The following A2M variants were observed in gnomAD, a reference collection of about 807,000 sequenced individuals.
A2M encodes the protein alpha-2-macroglobulin.
A neutral mutation model predicts 183.9 loss-of-function variants in A2M; 128 were observed. The observed-to-expected ratio is 0.70, with a 90% confidence interval of 0.60 to 0.81. The LOEUF is 0.81. A2M is among the 30% of genes least tolerant of loss of function. The pLI is 0.00. For missense variants in A2M, 1,495 were observed against 1,787.6 expected, an observed-to-expected ratio of 0.84 and a Z score of 2.95; for synonymous variants, 592 against 670.8, an observed-to-expected ratio of 0.88 and a Z score of 1.81.
At chr12:9,098,005 T>C (rs4882978) in intron 15 of A2M, among the ~76,000 whole-genome samples, 24,632 of 152,220 alleles carry the variant, frequency 0.16, 2,142 homozygotes, top group Middle Eastern at 0.21. Context: ...TGTATCACTT[T>C]TGTTAGGCTT....
intron 15 of A2M, 87 bp downstream of exon 15, chr12:9,098,520 G>C: frequency 7.1e-7 from 1 of 1,401,368 alleles, no homozygotes; most frequent in Non-Finnish European, 9.5e-7. Flanking sequence ...AATTTTAATT[G>C]ATCTTATCCT....
rs141028314 is a variant in A2M at position 9,110,203 on chromosome 12, G to T, written c.504+111C>A. On this transcript the variant is annotated intron_variant, in intron 5 of 35. Coordinates refer to ENST00000318602, the MANE Select transcript of A2M (RefSeq NM_000014.6). ...CATCTAGCTCTATGGGAGTTTGAAG[G>T]CTTCTCCTTTAATGACAAGTTTCTG... 1.8e-5 allele frequency: 21 copies of T among 1,137,614 alleles called. No individual in the cohort carries two copies. The South Asian group carries it at 2.6e-4, about 14-fold the overall frequency. The allele number at this position is 1,137,614 out of a possible 1,614,324, so 70.5% of individuals were successfully genotyped here.
chr12:9,100,155 C>T (rs1937714039), intron 13 of A2M, among the ~76,000 whole-genome samples: 1 of 152,152 alleles, frequency 6.6e-6, no homozygotes. Context: ...GAGTCCGCTT[C>T]AGTCGGTAGA....
rs144864060 is a variant in A2M at position 9,114,083 on chromosome 12, C to T, written c.87-540G>A. ...AGAAAGTGAGCCATTACTTCACAGT[C>T]TCAGTTGTGGTAAGCAGCTAATAAG... On this transcript the variant is annotated intron_variant, in intron 1 of 35. Coordinates refer to ENST00000318602, the MANE Select transcript of A2M (RefSeq NM_000014.6). Among the ~76,000 whole-genome samples, 152 of 152,320 alleles carry T rather than the reference C, an allele frequency of 1.0e-3. 1 individual carries two copies. The highest frequency in any genetic ancestry group is 6.8e-3 in the Middle Eastern group (2 of 294).
intron 18 of A2M, 82 bp downstream of exon 18, chr12:9,093,383 T>C: frequency 1.1e-6 from 1 of 917,528 alleles, no homozygotes; most frequent in South Asian, 1.4e-5. Flanking sequence ...TATAAAACAA[T>C]AAAAACAGAA....
chr12:9,108,685 T>G (rs1938493495), intron 7 of A2M, among the ~76,000 whole-genome samples: 1 of 152,188 alleles, frequency 6.6e-6, no homozygotes, highest in Non-Finnish European at 1.5e-5. Context: ...ACTGCTACTG[T>G]GTGCCACCAT....
Position 9,106,272 on chromosome 12 carries a change from G to A in A2M, c.1068C>T (p.Asp356=). Residue 356 remains aspartate, a synonymous_variant, in exon 10 of 36, where the codon GAC becomes GAT. Transcript: ENST00000318602. ...AGGGAATTCCCTGTCGAAAGTGTGA[G>A]TCCACTTTCACAAATGAGAGTTTGG... ...TITKLSFVKV[D]SHFRQGIPFF... The A allele has an allele frequency of 6.2e-7, 1 of 1,612,458 alleles. No homozygotes were observed.
At chr12:9,099,343 T>C (rs1949480459) in intron 14 of A2M, 38 bp downstream of exon 14, 1 of 1,535,250 alleles carries the variant, frequency 6.5e-7, no homozygotes. Flanking sequence ...TAACTTCTAG[T>C]TTTACATGTT....
chr12:9,086,655 G>T (rs1233637809), intron 22 of A2M, among the ~76,000 whole-genome samples: 1 of 152,138 alleles, frequency 6.6e-6, no homozygotes, highest in Non-Finnish European at 1.5e-5. Context: ...ACAATAAAGG[G>T]CATGTATGAT....
intron 27 of A2M, 65 bp downstream of exon 27, chr12:9,077,281 C>T: frequency 7.1e-7 from 1 of 1,407,140 alleles, no homozygotes; most frequent in South Asian, 1.2e-5. Context: ...GTATTTCAGA[C>T]AGCAGGTCAG....
intron 1 of A2M, 148 bp from the exon 2 acceptor site, chr12:9,113,691 C>T: frequency 1.4e-6 from 1 of 733,168 alleles, no homozygotes; most frequent in Non-Finnish European, 2.2e-6. Flanking sequence ...CGTTGAAGGC[C>T]ATGCATAAGA....
chr12:9,082,858 T>C (rs888150533), intron 22 of A2M, among the ~76,000 whole-genome samples: 1 of 152,210 alleles, frequency 6.6e-6, no homozygotes, highest in Non-Finnish European at 1.5e-5. Flanking sequence ...GAAACGATTG[T>C]GAATAGTGCC....
At position 9,089,228 on chromosome 12, in the gene A2M, T is replaced by C. The variant is rs1949134618; in HGVS notation, c.2742A>G (p.Thr914=). ...LVEPEGLEKE[T]TFNSLLCPSG... is the part of the protein sequence containing the mutation. ...ATGGACAAAGTAGGGAGTTGAATGT[T>C]GTTTCCTTCTCTAGTCCTTCAGGCT... The change falls in exon 22 of 36, where the codon ACA becomes ACG. Residue 914 remains threonine (T), a synonymous_variant. Coordinates refer to ENST00000318602, the MANE Select transcript of A2M (RefSeq NM_000014.6). 1.3e-6 allele frequency: 2 copies of C among 1,589,776 alleles called. No homozygotes were observed. Among genetic ancestry groups the C allele is most frequent in the South Asian group, 1.1e-5 (1 of 87,170 alleles).
At chr12:9,092,272 A>G (rs1565591001) in intron 18 of A2M, among the ~76,000 whole-genome samples, 2 of 152,186 alleles carry the variant, frequency 1.3e-5, no homozygotes, top group Admixed American at 1.3e-4. Flanking sequence ...CAATGTTTAC[A>G]GCTCGTACCT....
At chr12:9,110,138 G>T in intron 5 of A2M, 103 bp from the exon 6 acceptor site, 1 of 1,291,202 alleles carries the variant, frequency 7.7e-7, no homozygotes. Context: ...AGGTCAAATG[G>T]GGTAGTAGTA....
chr12:9,083,317 C>A (rs763966651), intron 22 of A2M, among the ~76,000 whole-genome samples: 1 of 151,436 alleles, frequency 6.6e-6, no homozygotes, highest in South Asian at 2.1e-4. Flanking sequence ...TGCAGCACAC[C>A]AACATGGCAC....
At chr12:9,077,066 T>C (rs1948770282) in intron 27 of A2M, 130 bp from the exon 28 acceptor site, 1 of 757,884 alleles carries the variant, frequency 1.3e-6, no homozygotes, top group Non-Finnish European at 2.0e-6. Flanking sequence ...TTCTTATCAA[T>C]AGATATAATA....
chr12:9,112,864 T>C (rs891915690), intron 2 of A2M, among the ~76,000 whole-genome samples: 8 of 152,162 alleles, frequency 5.3e-5, no homozygotes, highest in African/African-American at 1.9e-4. Flanking sequence ...TCGAAGCATG[T>C]TTTACAGGCT....
intron 33 of A2M, among the ~76,000 whole-genome samples, chr12:9,069,479 C>G (rs774738540): frequency 8.5e-4 from 130 of 152,052 alleles, no homozygotes; most frequent in Non-Finnish European, 2.1e-4. Context: ...AAAAACTTGT[C>G]AACATAATAA....
Sources: allele counts gnomAD v4.1 joint callset (sites outside exome capture counted in the v4.1 genomes callset), GRCh38; gene constraint gnomAD v4.1.1; transcripts MANE v1.5; gene names NCBI Gene and HGNC (gene_info 2026-07-23, HGNC 2026-07-21).